USH2A: variants seen among roughly 807,000 people sequenced by gnomAD.
USH2A encodes the protein Usher syndrome 2A (autosomal recessive, mild).
A neutral mutation model predicts 538.9 loss-of-function variants in USH2A; 443 were observed. That is an observed-to-expected ratio of 0.82 (90% CI 0.76 to 0.89). The LOEUF (loss-of-function observed/expected upper bound fraction) is 0.89, where lower values mean the gene tolerates loss of function less well. Among genes scored for constraint, USH2A ranks in the 40% least tolerant of loss-of-function variants. The pLI, the probability that USH2A is intolerant of heterozygous loss-of-function variation, is 0.00. For missense variants in USH2A, 6,633 were observed against 6,324.8 expected (o/e 1.05, Z -1.65); for synonymous variants, 2,413 against 2,273.5 (o/e 1.06, Z -1.75).
chr1:216,309,224 A>T (rs1468372217), intron 9 of USH2A, among the ~76,000 whole-genome samples: 4 of 152,180 alleles, frequency 2.6e-5, no homozygotes, highest in Non-Finnish European at 5.9e-5. Context: ...AGCAACACTA[A>T]TGTGTCTTTA....
intron 37 of USH2A, among the ~76,000 whole-genome samples, chr1:215,949,506 T>A (rs1174032798): frequency 3.9e-5 from 6 of 152,028 alleles, no homozygotes; most frequent in Non-Finnish European, 8.8e-5. Flanking sequence ...AAATAATGAC[T>A]TTACCCATAA....
intron 36 of USH2A, among the ~76,000 whole-genome samples, chr1:215,967,051 A>C (rs756735037): frequency 1.1e-4 from 16 of 152,216 alleles, no homozygotes; most frequent in Non-Finnish European, 2.1e-4. Flanking sequence ...AATATGTGGA[A>C]AAGGCACTTG....
rs1655988371 is a variant in USH2A at position 215,625,575 on chromosome 1, T to C, written c.*206A>G. ...AGCAAATCAAGTATTTTCATATGAA[T>C]ATTCTCTCTCATTTAAGATGAGAAA... On this transcript the variant is annotated 3_prime_UTR_variant, in exon 72 of 72. Transcript: ENST00000307340. The C allele has an allele frequency of 1.7e-6, 1 of 604,424 alleles. No individual in the cohort carries two copies. Among genetic ancestry groups the C allele is most frequent in the Admixed American group, 2.8e-5 (1 of 35,398 alleles). The allele number at this position is 604,424 out of a possible 1,614,324, so 37.4% of individuals were successfully genotyped here.
chr1:216,225,821 C>G (rs958538567), intron 14 of USH2A, among the ~76,000 whole-genome samples: 2 of 152,102 alleles, frequency 1.3e-5, no homozygotes, highest in Admixed American at 1.3e-4. Context: ...ATGGTTAGTT[C>G]TGTGCTGACT....
At chr1:216,400,997 T>A (rs974912206) in intron 3 of USH2A, among the ~76,000 whole-genome samples, 2 of 151,836 alleles carry the variant, frequency 1.3e-5, no homozygotes, top group Non-Finnish European at 2.9e-5. Flanking sequence ...ATAAAGAAAA[T>A]AAGAATATCA....
chr1:215,622,930 A>AGAT lies in USH2A; in HGVS notation c.*2848_*2850dup, dbSNP rs1655839144. ...AATATTTATTAAGCAAACCATCTTT[A>AGAT]GATTAGTTTACATGATATTTGTGCA... On this transcript the variant is annotated 3_prime_UTR_variant, in exon 72 of 72. Coordinates refer to ENST00000307340, the MANE Select transcript of USH2A (RefSeq NM_206933.4). 1 of 152,132 alleles carries AGAT rather than the reference A, an allele frequency of 6.6e-6. No individual in the cohort carries two copies. Among genetic ancestry groups the AGAT allele is most frequent in the Non-Finnish European group, 1.5e-5 (1 of 68,004 alleles). The allele number at this position is 152,132 out of a possible 1,614,324, so 9.4% of individuals were successfully genotyped here. A position where few individuals can be genotyped will look rare whatever the true frequency, so the allele number is the denominator to read the frequency against.
At chr1:216,068,469 A>T (rs991136419) in intron 30 of USH2A, among the ~76,000 whole-genome samples, 2 of 152,152 alleles carry the variant, frequency 1.3e-5, no homozygotes, top group Non-Finnish European at 2.9e-5. Context: ...CACACTGCAG[A>T]GTGTCTGATT....
chr1:216,017,246 C>T (rs1335724791), intron 32 of USH2A, among the ~76,000 whole-genome samples: 4 of 152,054 alleles, frequency 2.6e-5, no homozygotes, highest in Non-Finnish European at 4.4e-5. Flanking sequence ...CACACACATA[C>T]AAAAACACAC....
intron 58 of USH2A, among the ~76,000 whole-genome samples, chr1:215,744,010 C>T (rs1023017538): frequency 1.3e-5 from 2 of 152,102 alleles, no homozygotes; most frequent in Non-Finnish European, 2.9e-5. Flanking sequence ...AATGAAGGCA[C>T]ATTTCACTTA....
At chr1:216,358,954 G>T (rs998343161) in intron 4 of USH2A, among the ~76,000 whole-genome samples, 4 of 152,048 alleles carry the variant, frequency 2.6e-5, no homozygotes, top group Non-Finnish European at 5.9e-5. Flanking sequence ...AATTTATGGC[G>T]CTATCAAATA....
chr1:215,981,685 A>G (rs1340085008), intron 35 of USH2A, among the ~76,000 whole-genome samples: 1 of 152,164 alleles, frequency 6.6e-6, no homozygotes, highest in Non-Finnish European at 1.5e-5. Context: ...ATGAGAATCC[A>G]TTTGAGGACT....
Position 215,686,443 on chromosome 1 carries a change from T to C in USH2A, c.12067-6067A>G, listed in dbSNP as rs1658426041. 2.0e-5 allele frequency among the ~76,000 whole-genome samples: 3 copies of C among 152,170 alleles called. No homozygotes were observed. The South Asian group carries it at 6.2e-4, about 32-fold the overall frequency. On this transcript the variant is annotated intron_variant, in intron 61 of 71. Coordinates refer to ENST00000307340, the MANE Select transcript of USH2A (RefSeq NM_206933.4). ...AAGGAACAGTAGAAAGTTCTGGAGA[T>C]ACCTGGGTGGCAGTTCAACAAAGCA...
At chr1:216,285,692 T>C (rs1010953036) in intron 11 of USH2A, among the ~76,000 whole-genome samples, 1 of 152,054 alleles carries the variant, frequency 6.6e-6, no homozygotes, top group African/African-American at 2.4e-5. Context: ...TGCCAGCCTG[T>C]GAAAGGAGCC....
At position 216,175,321 on chromosome 1, in the gene USH2A, T is replaced by G. The variant is rs770790346; in HGVS notation, c.4558A>C (p.Ile1520Leu). 6.8e-6 allele frequency: 11 copies of G among 1,613,672 alleles called. No individual in the cohort carries two copies. Among genetic ancestry groups the G allele is most frequent in the African/African-American group, 1.3e-5 (1 of 74,916 alleles). ...PALMTTMMKG[I>L]RFIGNGYCKF... ...CAATACCCATTTCCTATGAAACGGA[T>G]TCCTTTCATCATCGTGGTCATCAGA... The change falls in exon 21 of 72, where the codon ATC becomes CTC. Residue 1520 changes from isoleucine to leucine, a missense_variant. Physicochemically the swap from Ile to Leu is conservative, Grantham distance 5. Coordinates refer to ENST00000307340, the MANE Select transcript of USH2A (RefSeq NM_206933.4).
chr1:216,105,771 A>T (rs563844210), intron 21 of USH2A, among the ~76,000 whole-genome samples: 1 of 152,098 alleles, frequency 6.6e-6, no homozygotes, highest in Admixed American at 6.6e-5. Flanking sequence ...ATTTAGGTTT[A>T]CATTGATTTT....
At chr1:216,110,698 T>C (rs2032846675) in intron 21 of USH2A, among the ~76,000 whole-genome samples, 1 of 152,212 alleles carries the variant, frequency 6.6e-6, no homozygotes, top group Non-Finnish European at 1.5e-5. Context: ...AAGTGATTAA[T>C]TTTGTTGAAA....
intron 30 of USH2A, among the ~76,000 whole-genome samples, chr1:216,064,353 C>A (rs939419992): frequency 6.6e-6 from 1 of 152,118 alleles, no homozygotes; most frequent in Admixed American, 6.5e-5. Flanking sequence ...CCTGCACTCA[C>A]TCACTCTGGG....
At chr1:215,949,322 T>TA (rs1170422303) in intron 37 of USH2A, among the ~76,000 whole-genome samples, 3 of 152,190 alleles carry the variant, frequency 2.0e-5, no homozygotes, top group Non-Finnish European at 4.4e-5. Context: ...AACACATTTC[T>TA]AGATGAGAAA....
At chr1:216,395,788 C>T (rs1307823570) in intron 3 of USH2A, among the ~76,000 whole-genome samples, 1 of 152,152 alleles carries the variant, frequency 6.6e-6, no homozygotes, top group African/African-American at 2.4e-5. Context: ...ACCAGAGATT[C>T]TTCTGAACAT....
Sources: gnomAD v4.1 joint callset for allele counts (sites outside exome capture counted in the v4.1 genomes callset) on GRCh38, gnomAD v4.1.1 for gene constraint, MANE v1.5 for transcripts, NCBI Gene and HGNC (gene_info 2026-07-23, HGNC 2026-07-21) for gene names.